Variants in RPS27A observed in about 807,000 individuals in gnomAD.
The protein encoded by RPS27A is ribosomal protein S27a, also known as ubiquitin-ribosomal protein eS31 fusion protein.
Under a neutral mutation model 18.9 loss-of-function variants are expected in RPS27A, and 1 was observed. The ratio of observed to expected loss-of-function variants is 0.05; its 90% CI spans 0.02 to 0.25. The LOEUF (loss-of-function observed/expected upper bound fraction) is 0.25. Ranked by LOEUF, RPS27A falls within the 10% of genes least tolerant of loss-of-function variation. RPS27A has a pLI of 1.00. For synonymous variants in RPS27A, 77 were observed against 63.7 expected (o/e 1.21, Z -0.99); for missense variants, 123 against 187.4 (o/e 0.66, Z 2.01).
chr2:55,235,221 A>C, intron 5 of RPS27A: 1 of 703,822 alleles, frequency 1.4e-6, no homozygotes. Flanking sequence ...ACCACTTGCA[A>C]AGCTGGCCTT....
chr2:55,231,920 C>T (rs1272654558), upstream of RPS27A: 1 of 152,212 alleles, frequency 6.6e-6, no homozygotes, highest in Non-Finnish European at 1.5e-5. Context: ...AGACTCTTCC[C>T]TAGGCTGGGA....
chr2:55,234,747 T>C, intron 4 of RPS27A, 84 bp from the exon 5 acceptor site: 1 of 1,507,914 alleles, frequency 6.6e-7, no homozygotes, highest in Non-Finnish European at 9.2e-7. Context: ...GTGCTGCTAC[T>C]GCTTTTAATT....
chr2:55,233,969 T>C, intron 3 of RPS27A, 150 bp from the exon 4 acceptor site: 1 of 701,362 alleles, frequency 1.4e-6, no homozygotes, highest in Non-Finnish European at 2.6e-6. Context: ...AAATGTGACA[T>C]GTAAAGATTT....
At chr2:55,235,213 C>T (rs1054999509) in intron 5 of RPS27A, 11 of 692,342 alleles carry the variant, frequency 1.6e-5, no homozygotes, top group Non-Finnish European at 2.2e-5. Context: ...CTTTGTCTAC[C>T]ACTTGCAAAG....
At position 55,233,632 on chromosome 2, in the gene RPS27A, A is replaced by C. The variant is rs971240996; in HGVS notation, c.103+215A>C. Reference sequence around the variant, plus strand: ...TTCACTTGCGTGAATTTGGACACTTATTTATTTATTTTGTGTGAGATGGAG... The same window carrying C: ...TTCACTTGCGTGAATTTGGACACTTCTTTATTTATTTTGTGTGAGATGGAG... On this transcript the variant is annotated intron_variant, in intron 3 of 5. Transcript: ENST00000272317. The C allele has an allele frequency of 8.8e-6, 5 of 570,566 alleles. No homozygotes were observed. In the African/African-American group the frequency reaches 9.4e-5, roughly 11 times the overall value. The allele number at this position is 570,566 out of a possible 1,614,324, so 35.3% of individuals were successfully genotyped here.
At chr2:55,232,095 C>T (rs973492162), upstream of RPS27A, 1 of 153,114 alleles carries the variant, frequency 6.5e-6, no homozygotes, top group African/African-American at 2.4e-5. Context: ...CTCTGCCCAT[C>T]ACCGCTTCTG....
At chr2:55,234,365 C>T (rs1675686044) in intron 4 of RPS27A, 161 bp downstream of exon 4, 1 of 653,040 alleles carries the variant, frequency 1.5e-6, no homozygotes, top group Non-Finnish European at 2.8e-6. Context: ...GGTCCTCCCA[C>T]CTCAGCCTCC....
chr2:55,233,334 C>G, intron 2 of RPS27A, 29 bp from the exon 3 acceptor site: 1 of 1,580,422 alleles, frequency 6.3e-7, no homozygotes. Context: ...TAATGTGTAA[C>G]CAACATGCTT....
intron 2 of RPS27A, 120 bp from the exon 3 acceptor site, chr2:55,233,243 G>C: frequency 2.4e-6 from 2 of 847,520 alleles, no homozygotes; most frequent in East Asian, 2.6e-5. Context: ...TGGGTAATAG[G>C]TCTCTCGAGT....
At chr2:55,232,410 C>T (rs182340529), upstream of RPS27A, 1 of 288,024 alleles carries the variant, frequency 3.5e-6, no homozygotes, top group Non-Finnish European at 6.8e-6. Flanking sequence ...CCCCCCTCGA[C>T]CTCCTTTTAA....
In RPS27A at chr2:55,234,968, C is replaced by T. The variant is rs752309904; in HGVS notation, c.321+6C>T. ...CTGTCCTGAAATATTATAAGGTGAG[C>T]CAGTTAAAGGGCAGAATGTCAGCAA... On this transcript the variant is annotated splice_donor_region_variant and intron_variant, in intron 5 of 5. Transcript: ENST00000272317. 6.2e-7 allele frequency: 1 copy of T among 1,612,262 alleles called. No homozygotes were observed. The highest frequency in any genetic ancestry group is 1.1e-5 in the South Asian group (1 of 90,964).
At position 55,232,926 on chromosome 2, in the gene RPS27A, G is replaced by A. The variant is rs376123816; in HGVS notation, c.48+54G>A. ...AAGGTCCGAATAAGGTCCTGAGGTG[G>A]ATTTTAGGACCGGCGCTGCTTTCCA... On this transcript the variant is annotated intron_variant, in intron 2 of 5. Coordinates refer to ENST00000272317, the MANE Select transcript of RPS27A (RefSeq NM_002954.6). 2.4e-5 allele frequency: 34 copies of A among 1,402,392 alleles called. No homozygotes were observed. In the African/African-American group the frequency reaches 4.1e-4, roughly 17 times the overall value. The allele number at this position is 1,402,392 out of a possible 1,614,324, so 86.9% of individuals were successfully genotyped here. A position where few individuals can be genotyped will look rare whatever the true frequency, so the allele number is the denominator to read the frequency against.
chr2:55,232,663 C>G (rs537086317), upstream of RPS27A: 1 of 728,938 alleles, frequency 1.4e-6, no homozygotes, highest in South Asian at 1.5e-5. Flanking sequence ...TCCGGGAAAC[C>G]CCGTGGGCCT....
intron 3 of RPS27A, chr2:55,233,745 C>T: frequency 4.2e-6 from 2 of 473,272 alleles, no homozygotes; most frequent in Non-Finnish European, 7.7e-6. Context: ...TTTTGTGCTT[C>T]AGCCTCCCTA....
intron 4 of RPS27A, chr2:55,234,466 C>A: frequency 1.8e-6 from 1 of 563,884 alleles, no homozygotes; most frequent in Non-Finnish European, 3.2e-6. Context: ...CCTCCCAGCG[C>A]TGGGATTACA....
upstream of RPS27A, chr2:55,232,631 G>C: frequency 1.5e-6 from 1 of 667,710 alleles, no homozygotes; most frequent in Non-Finnish European, 2.8e-6. Context: ...GTCGCCTAAG[G>C]GGTGGGTCCT....
chr2:55,231,927 G>T (rs540665967), upstream of RPS27A: 1 of 152,326 alleles, frequency 6.6e-6, no homozygotes, highest in East Asian at 1.9e-4. Flanking sequence ...TCCCTAGGCT[G>T]GGAGAGACTC....
chr2:55,232,756 C>T (rs1008874313), intron 1 of RPS27A, 48 bp downstream of exon 1: 36 of 1,428,942 alleles, frequency 2.5e-5, no homozygotes, highest in South Asian at 2.2e-4. Flanking sequence ...CCTATGGTGC[C>T]TTCTCTTGTG....
upstream of RPS27A, chr2:55,232,031 C>T (rs1325644309): frequency 6.6e-5 from 10 of 152,304 alleles, no homozygotes; most frequent in Admixed American, 4.6e-4. Flanking sequence ...TGGAGCAGGC[C>T]ACGCAAATTC....
Sources: allele counts gnomAD v4.1 joint callset, GRCh38; gene constraint gnomAD v4.1.1; transcripts MANE v1.5; gene names NCBI Gene and HGNC (gene_info 2026-07-23, HGNC 2026-07-21).